PLCH1: variants seen among roughly 807,000 people sequenced by gnomAD.
PLCH1 encodes the protein phospholipase C eta 1, also known as 1-phosphatidylinositol 4,5-bisphosphate phosphodiesterase eta-1.
A neutral mutation model predicts 126.7 loss-of-function variants in PLCH1; 60 were observed. That is an observed-to-expected ratio of 0.47 (90% CI 0.38 to 0.59). The LOEUF (loss-of-function observed/expected upper bound fraction) is 0.59, where lower values mean the gene tolerates loss of function less well. Among genes scored for constraint, PLCH1 ranks in the 20% least tolerant of loss-of-function variants. The pLI is 0.00. For missense variants in PLCH1, 1,723 were observed against 2,040.0 expected (o/e 0.84, Z 2.99); for synonymous variants, 719 against 734.9 (o/e 0.98, Z 0.35).
intron 21 of PLCH1, among the ~76,000 whole-genome samples, chr3:155,471,235 TA>T (rs1383223521): frequency 6.6e-6 from 1 of 152,070 alleles, no homozygotes; most frequent in African/African-American, 2.4e-5. Flanking sequence ...GAGGAAGACC[TA>T]CCAAGCAAAT....
intron 2 of PLCH1, among the ~76,000 whole-genome samples, chr3:155,670,851 C>T (rs917374914): frequency 8.5e-5 from 13 of 152,136 alleles, no homozygotes; most frequent in Non-Finnish European, 1.9e-4. Flanking sequence ...TTCCCTGTGC[C>T]AAACCCTGTG....
At chr3:155,492,683 T>A (rs746685761) in intron 18 of PLCH1, 46 bp downstream of exon 18, 96 of 1,480,450 alleles carry the variant, frequency 6.5e-5, no homozygotes, top group Non-Finnish European at 8.3e-5. Flanking sequence ...TGCACTAAGA[T>A]AATCACATAA....
chr3:155,683,133 T>A (rs1472822967), intron 2 of PLCH1, among the ~76,000 whole-genome samples: 1 of 152,300 alleles, frequency 6.6e-6, no homozygotes, highest in Non-Finnish European at 1.5e-5. Flanking sequence ...CAAAACAAAC[T>A]GAGTATAACC....
chr3:155,609,739 A>G (rs781729181), intron 2 of PLCH1, among the ~76,000 whole-genome samples: 5 of 152,128 alleles, frequency 3.3e-5, no homozygotes, highest in Non-Finnish European at 7.4e-5. Context: ...ACTTAGAGAA[A>G]TACAAAATAC....
chr3:155,713,387 G>A (rs372773237), intron 1 of PLCH1, among the ~76,000 whole-genome samples: 3 of 152,184 alleles, frequency 2.0e-5, no homozygotes, highest in African/African-American at 7.2e-5. Flanking sequence ...ACTCCTTTGG[G>A]TATAAGATGG....
At chr3:155,644,324 C>T (rs1739750349) in intron 2 of PLCH1, among the ~76,000 whole-genome samples, 1 of 152,046 alleles carries the variant, frequency 6.6e-6, no homozygotes, top group African/African-American at 2.4e-5. Flanking sequence ...TTCCAGAGGC[C>T]GAGTGTGGTG....
rs114191912 is a variant in PLCH1, at chr3:155,482,555, G to T, written c.3471C>A (p.Asp1157Glu). The T allele has an allele frequency of 1.0e-3, 1,667 of 1,614,164 alleles. 13 individuals carry two copies. In the African/African-American group the frequency reaches 0.02, roughly 19 times the overall value. ...CCTGCAGAATTGCAGTTGAATGTAG[G>T]TCAGGTATGTCAGAACAGAGCATGG... is the stretch of plus-strand genomic sequence containing the variant. ...DVSMLCSDIP[D>E]LHSTAILQES... The change falls in exon 23 of 23, where the codon GAC (aspartate) becomes GAA (glutamate). Residue 1157 changes from aspartate to glutamate, a missense_variant. This residue lies in a region of PLCH1 where 947 missense variants were observed against 977.1 expected (regional missense o/e 0.97). Coordinates refer to ENST00000460012, the MANE Select transcript of PLCH1 (RefSeq NM_014996.4).
In PLCH1 at chr3:155,480,772, A is replaced by C; in HGVS notation, c.*196T>G. On this transcript the variant is annotated 3_prime_UTR_variant, in exon 23 of 23. Transcript: ENST00000460012. ...CAACAACTCAAGGGAGAAAGATCAT[A>C]ATAGGTACATGGGAAATGTCACCAA... 1.8e-6 allele frequency: 1 copy of C among 566,748 alleles called. No homozygotes were observed. Among genetic ancestry groups the C allele is most frequent in the East Asian group, 2.9e-5 (1 of 34,722 alleles). 35.1% of individuals were successfully genotyped at this position (566,748 alleles called of 1,614,324 possible).
intron 2 of PLCH1, among the ~76,000 whole-genome samples, chr3:155,654,071 A>T (rs1475089396): frequency 6.7e-6 from 1 of 149,728 alleles, no homozygotes; most frequent in African/African-American, 2.5e-5. Context: ...CATGACCTCC[A>T]TGTTGCCAAA....
chr3:155,725,878 T>C (rs1018878176), intron 1 of PLCH1, among the ~76,000 whole-genome samples: 3 of 152,350 alleles, frequency 2.0e-5, no homozygotes, highest in Admixed American at 1.3e-4. Context: ...GTCTTGCCTA[T>C]TCTCTACTTT....
rs760913029 is a variant in PLCH1 at position 155,483,030 on chromosome 3, C to T, written c.2996G>A (p.Arg999Lys). The change falls in exon 23 of 23, where the codon AGA (arginine) becomes AAA (lysine). Residue 999 changes from arginine to lysine, a missense_variant. By Grantham distance (26) the Arg-to-Lys change is conservative (BLOSUM62 2). Around this residue, in one of 2 missense-constraint regions of PLCH1, gnomAD observed 947 missense variants for 977.1 expected, o/e 0.97. Transcript: ENST00000460012. Reference protein sequence around the residue: ...NSLAEDKDGRRKGKASIKDPH... With the variant: ...NSLAEDKDGRKKGKASIKDPH... ...ATCTTTTATACTTGCTTTCCCTTTT[C>T]TTCTGCCATCTTTATCTTCTGCTGA... is the stretch of plus-strand genomic sequence containing the variant. The T allele has an allele frequency of 6.2e-7, 1 of 1,613,346 alleles. No homozygotes were observed. Among genetic ancestry groups the T allele is most frequent in the Non-Finnish European group, 8.5e-7 (1 of 1,179,704 alleles).
intron 2 of PLCH1, among the ~76,000 whole-genome samples, chr3:155,663,650 G>C (rs749425549): frequency 3.3e-5 from 5 of 152,000 alleles, no homozygotes; most frequent in Non-Finnish European, 7.4e-5. Context: ...CCTCACGCAG[G>C]GGCTATGGCT....
chr3:155,522,191 A>G (rs1560105779), intron 11 of PLCH1, among the ~76,000 whole-genome samples: 1 of 152,172 alleles, frequency 6.6e-6, no homozygotes, highest in Non-Finnish European at 1.5e-5. Flanking sequence ...GCAAAATGAT[A>G]AAAAATCAGA....
chr3:155,675,134 C>T (rs994903342), intron 2 of PLCH1, among the ~76,000 whole-genome samples: 2 of 152,170 alleles, frequency 1.3e-5, no homozygotes, highest in African/African-American at 4.8e-5. Flanking sequence ...AATGCTGGTA[C>T]TGGGAACATG....
At chr3:155,727,012 G>A (rs1295203180) in intron 1 of PLCH1, among the ~76,000 whole-genome samples, 3 of 151,478 alleles carry the variant, frequency 2.0e-5, no homozygotes, top group Admixed American at 6.6e-5. Flanking sequence ...GAGCCACTGC[G>A]CCCGGCTCAA....
chr3:155,648,693 T>C (rs1740333425), intron 2 of PLCH1, among the ~76,000 whole-genome samples: 4 of 152,116 alleles, frequency 2.6e-5, no homozygotes, highest in Non-Finnish European at 5.9e-5. Context: ...AACAACAAAT[T>C]AGACAACAAA....
At chr3:155,542,969 A>C (rs1189113228) in intron 10 of PLCH1, among the ~76,000 whole-genome samples, 6 of 152,206 alleles carry the variant, frequency 3.9e-5, no homozygotes, top group Admixed American at 3.9e-4. Context: ...GAAACTCTAA[A>C]AAGCAGAGCA....
chr3:155,614,422 C>T (rs1735524828), intron 2 of PLCH1, among the ~76,000 whole-genome samples: 1 of 151,800 alleles, frequency 6.6e-6, no homozygotes, highest in African/African-American at 2.4e-5. Context: ...GTTACCAAAA[C>T]AGCATAGTAC....
chr3:155,648,490 A>G (rs765468084), intron 2 of PLCH1, among the ~76,000 whole-genome samples: 25 of 152,172 alleles, frequency 1.6e-4, no homozygotes, highest in Non-Finnish European at 3.4e-4. Context: ...TGAACATGCA[A>G]CTTCCATCAA....
Sources: gnomAD v4.1 joint callset for allele counts (sites outside exome capture counted in the v4.1 genomes callset) on GRCh38, gnomAD v4.1.1 for gene constraint, gnomAD v4.1.1 regional missense constraint, MANE v1.5 for transcripts, NCBI Gene and HGNC (gene_info 2026-07-23, HGNC 2026-07-21) for gene names.